Variants in ARID5A observed in about 807,000 individuals in gnomAD.
ARID5A encodes the protein AT-rich interaction domain 5A.
ARID5A carries 14 observed loss-of-function variants against 30.5 expected under a neutral mutation model. The observed-to-expected ratio is 0.46, with a 90% CI of 0.30 to 0.72. The LOEUF (loss-of-function observed/expected upper bound fraction) is 0.72. ARID5A is among the 30% of genes least tolerant of loss of function. ARID5A has a pLI of 0.07. For missense variants in ARID5A, 669 were observed against 786.2 expected, an observed-to-expected ratio of 0.85 and a Z score of 1.78; for synonymous variants, 338 against 340.4, an observed-to-expected ratio of 0.99 and a Z score of 0.08.
chr2:96,550,552 G>T lies in ARID5A; in HGVS notation c.411-22G>T. 2 of 1,583,864 alleles carry T rather than the reference G, an allele frequency of 1.3e-6. No homozygotes were observed. The highest frequency in any genetic ancestry group is 1.7e-6 in the Non-Finnish European group (2 of 1,165,976). On this transcript the variant is annotated intron_variant, in intron 5 of 6. Coordinates refer to ENST00000357485, the MANE Select transcript of ARID5A (RefSeq NM_212481.3). This position sits in a 1 kb window ranked among gnomAD's most constrained non-coding sequence, Gnocchi z 6.6. ...GGGGATGGGCGCCGGCCTCCTGGGG[G>T]ACATGCGTGGTTCCTCACCAGGCTG... is the stretch of plus-strand genomic sequence containing the variant.
At position 96,549,223 on chromosome 2, in the gene ARID5A, T is replaced by C. The variant is rs983064922; in HGVS notation, c.121-98T>C. The C allele has an allele frequency of 4.5e-6, 7 of 1,538,796 alleles. No individual in the cohort carries two copies. The Admixed American group carries it at 9.9e-5, about 22-fold the overall frequency. ...GTTCTCTGGGAAACTGGGGTTGGGG[T>C]AGGTACCTTATTCCTCCTGCAGCCA... On this transcript the variant is annotated intron_variant, in intron 2 of 6. Transcript: ENST00000357485. This position sits in a 1 kb window ranked among gnomAD's most constrained non-coding sequence, Gnocchi z 6.1.
Position 96,549,663 on chromosome 2 carries a change from T to C in ARID5A, c.260-90T>C. 6.3e-7 allele frequency: 1 copy of C among 1,587,868 alleles called. No individual in the cohort carries two copies. ...CCCTGGCTGGGTGTGTGCTGGTCTG[T>C]GCCTGGCCTGTCAGGGCACCAGGAA... On this transcript the variant is annotated intron_variant, in intron 3 of 6. Transcript: ENST00000357485. The surrounding 1 kb of genome is among the most constrained non-coding windows in gnomAD (Gnocchi z 6.1).
intron 1 of ARID5A, among the ~76,000 whole-genome samples, chr2:96,546,495 G>C (rs951945420): frequency 2.0e-5 from 3 of 152,256 alleles, no homozygotes; most frequent in African/African-American, 4.8e-5. Flanking sequence ...CACCACGCAG[G>C]GTTGTTGTGA....
Position 96,537,950 on chromosome 2 carries a change from TC to T in ARID5A, c.4+1122del. On this transcript the variant is annotated intron_variant, in intron 1 of 6. Coordinates refer to ENST00000357485, the MANE Select transcript of ARID5A (RefSeq NM_212481.3). The surrounding 1 kb of genome is among the most constrained non-coding windows in gnomAD (Gnocchi z 4.8). The stretch of plus-strand genomic sequence containing the variant: ...CAGGTGCCTCTTGCCCCACCCGGGC[TC>T]CTCTGGTGGGAGCCCACACGCACGG... 2 of 985,374 alleles carry T rather than the reference TC, an allele frequency of 2.0e-6. No individual in the cohort carries two copies. Among genetic ancestry groups the T allele is most frequent in the Non-Finnish European group, 2.4e-6 (2 of 829,974 alleles). 61.0% of individuals were successfully genotyped at this position (985,374 alleles called of 1,614,324 possible).
At chr2:96,545,108 C>A (rs1232294478) in intron 1 of ARID5A, among the ~76,000 whole-genome samples, 1 of 97,076 alleles carries the variant, frequency 1.0e-5, no homozygotes, top group Non-Finnish European at 2.0e-5. Context: ...AAGAAAGTGA[C>A]TTTTTTTCTT....
At position 96,546,414 on chromosome 2, in the gene ARID5A, AGG is replaced by A. The variant is rs1186916791; in HGVS notation, c.5-987_5-986del. The stretch of plus-strand genomic sequence containing the variant: ...GTGGTTGTGGTTTTTGCAGTGGCAG[AGG>A]TGTTGCGTTTTTGCAACCATCAGCA... On this transcript the variant is annotated intron_variant, in intron 1 of 6. Coordinates refer to ENST00000357485, the MANE Select transcript of ARID5A (RefSeq NM_212481.3). Among the ~76,000 whole-genome samples, 5 of 152,370 alleles carry A rather than the reference AGG, an allele frequency of 3.3e-5. No homozygotes were observed. The East Asian group carries it at 9.6e-4, about 29-fold the overall frequency.
In ARID5A at chr2:96,552,011, G is replaced by A. The variant is rs1316841328; in HGVS notation, c.1483G>A (p.Val495Met). The A allele has an allele frequency of 1.3e-6, 2 of 1,523,928 alleles. No homozygotes were observed. The highest frequency in any genetic ancestry group is 8.8e-7 in the Non-Finnish European group (1 of 1,136,950). The allele number at this position is 1,523,928 out of a possible 1,614,324, so 94.4% of individuals were successfully genotyped here. The change falls in exon 7 of 7, where the codon GTG becomes ATG. Residue 495 changes from valine (V) to methionine (M), a missense_variant. Coordinates refer to ENST00000357485, the MANE Select transcript of ARID5A (RefSeq NM_212481.3). ...CCTTCTGGGCCCAGCCCTGGGGCCT[G>A]TGCCCCCAGAGGCCTACAGGGGCAC... ...SCLLGPALGP[V>M]PPEAYRGTML...
chr2:96,551,784 C>G lies in ARID5A; in HGVS notation c.1256C>G (p.Ser419Cys). ...LYPKPKACWV[S>C]PMAKVPAESP... ...CCCAAGCCCAAAGCCTGCTGGGTGT[C>G]CCCCATGGCCAAGGTCCCAGCCGAG... The change falls in exon 7 of 7, where the codon TCC becomes TGC. Residue 419 changes from serine (S) to cysteine (C), a missense_variant. Coordinates refer to ENST00000357485, the MANE Select transcript of ARID5A (RefSeq NM_212481.3). 2 of 1,541,324 alleles carry G rather than the reference C, an allele frequency of 1.3e-6. No homozygotes were observed. Among genetic ancestry groups the G allele is most frequent in the South Asian group, 1.3e-5 (1 of 78,888 alleles).
At chr2:96,547,564 C>T (rs1255380414) in intron 2 of ARID5A, 47 bp downstream of exon 2, 1 of 1,564,318 alleles carries the variant, frequency 6.4e-7, no homozygotes. Context: ...TTCCCTGCCA[C>T]CCTCACCTGT....
intron 1 of ARID5A, among the ~76,000 whole-genome samples, chr2:96,542,047 A>G (rs926198566): frequency 6.6e-6 from 1 of 152,126 alleles, no homozygotes; most frequent in Non-Finnish European, 1.5e-5. Flanking sequence ...CTACCTCCCA[A>G]CGCTGGACCT....
intron 1 of ARID5A, 155 bp from the exon 2 acceptor site, chr2:96,547,247 C>G: frequency 1.7e-6 from 1 of 584,746 alleles, no homozygotes; most frequent in South Asian, 2.2e-5. Context: ...GCCTGGGCCT[C>G]CCAAAGTGCT....
chr2:96,549,857 C>A lies in ARID5A; in HGVS notation c.312+52C>A. ...CCAAACTGCATATCCCTGGGGTGAG[C>A]CTGCAGCGCTGTCCTTGCCTCTGGA... On this transcript the variant is annotated intron_variant, in intron 4 of 6. Transcript: ENST00000357485. The surrounding 1 kb of genome is among the most constrained non-coding windows in gnomAD (Gnocchi z 6.1). 1 of 1,588,892 alleles carries A rather than the reference C, an allele frequency of 6.3e-7. No individual in the cohort carries two copies. The highest frequency in any genetic ancestry group is 8.6e-7 in the Non-Finnish European group (1 of 1,166,356).
intron 1 of ARID5A, among the ~76,000 whole-genome samples, chr2:96,544,421 G>A (rs1207067966): frequency 6.6e-6 from 1 of 152,216 alleles, no homozygotes. Flanking sequence ...TGGTACTGGT[G>A]ACTTTAAGTT....
Position 96,552,214 on chromosome 2 carries a change from C to T in ARID5A, c.1686C>T (p.Ala562=). 6.2e-7 allele frequency: 1 copy of T among 1,613,520 alleles called. No individual in the cohort carries two copies. The highest frequency in any genetic ancestry group is 8.5e-7 in the Non-Finnish European group (1 of 1,179,984). ...MHFPPTSFDS[A]LRHRLCPASS... ...TCCCCCCAACGTCCTTCGACAGTGCCCTCCGCCACAGACTTTGCCCGGCCT... is the reference window on the plus strand; with the variant it reads ...TCCCCCCAACGTCCTTCGACAGTGCTCTCCGCCACAGACTTTGCCCGGCCT... Residue 562 remains alanine, a synonymous_variant, in exon 7 of 7, where the codon GCC becomes GCT. Coordinates refer to ENST00000357485, the MANE Select transcript of ARID5A (RefSeq NM_212481.3).
At chr2:96,538,281 C>G in intron 1 of ARID5A, 1 of 985,448 alleles carries the variant, frequency 1.0e-6, no homozygotes, top group Non-Finnish European at 1.2e-6. Flanking sequence ...GAGGGACAGT[C>G]CCATCCTGGA....
At position 96,551,581 on chromosome 2, in the gene ARID5A, G is replaced by A; in HGVS notation, c.1053G>A (p.Val351=). Residue 351 remains valine, a synonymous_variant, in exon 7 of 7, where the codon GTG becomes GTA. Transcript: ENST00000357485. ...GCTTCTACACCCACCCCACCGAGGT[G>A]CTGAAGCCTGTCAGCCAGCACCCCA... ...KGCFYTHPTE[V]LKPVSQHPRD... 1 of 1,585,928 alleles carries A rather than the reference G, an allele frequency of 6.3e-7. No homozygotes were observed. The highest frequency in any genetic ancestry group is 8.6e-7 in the Non-Finnish European group (1 of 1,169,518).
chr2:96,545,171 T>C (rs2065907648), intron 1 of ARID5A, among the ~76,000 whole-genome samples: 1 of 149,722 alleles, frequency 6.7e-6, no homozygotes, highest in African/African-American at 2.5e-5. Context: ...TTTTTTTTTT[T>C]TTTGAGACAG....
At chr2:96,545,991 A>G (rs2065921511) in intron 1 of ARID5A, among the ~76,000 whole-genome samples, 1 of 151,976 alleles carries the variant, frequency 6.6e-6, no homozygotes, top group Non-Finnish European at 1.5e-5. Flanking sequence ...GGCAAACTTC[A>G]TTGTTGTCTT....
intron 1 of ARID5A, among the ~76,000 whole-genome samples, chr2:96,540,065 A>G (rs1249527571): frequency 6.6e-6 from 1 of 152,218 alleles, no homozygotes; most frequent in Non-Finnish European, 1.5e-5. Context: ...AGCCTCAGAC[A>G]TTATATCTGT....
Sources: gnomAD v4.1 joint callset for allele counts (sites outside exome capture counted in the v4.1 genomes callset) on GRCh38, gnomAD v4.1.1 for gene constraint, Gnocchi (gnomAD v3.1) non-coding constraint, MANE v1.5 for transcripts, NCBI Gene and HGNC (gene_info 2026-07-23, HGNC 2026-07-21) for gene names.